The following CHAF1A variants were observed in gnomAD, a reference collection of about 807,000 sequenced individuals.
The protein encoded by CHAF1A is chromatin assembly factor 1 subunit A, also known as CAF-1 subunit A.
A neutral mutation model predicts 93.2 loss-of-function variants in CHAF1A; 5 were observed. That is an observed-to-expected ratio of 0.05 (90% CI 0.03 to 0.11). CHAF1A has a LOEUF of 0.11. CHAF1A is among the 10% of genes least tolerant of loss of function. CHAF1A has a pLI of 1.00. For missense variants in CHAF1A, 1,102 were observed against 1,259.9 expected (o/e 0.87, Z 1.90); for synonymous variants, 504 against 510.3 (o/e 0.99, Z 0.17).
chr19:4,432,541 G>A lies in CHAF1A; in HGVS notation c.2203+334G>A, dbSNP rs1294329279. On this transcript the variant is annotated intron_variant, in intron 12 of 14. Transcript: ENST00000301280. Reference sequence around the variant, plus strand: ...TTTGGGAGGCCAAGGTGGGAGGATCGCTTGAGCCTAGTGCTTCGACACCAG... The same window carrying A: ...TTTGGGAGGCCAAGGTGGGAGGATCACTTGAGCCTAGTGCTTCGACACCAG... Among the ~76,000 whole-genome samples, 12 of 151,996 alleles carry A rather than the reference G, an allele frequency of 7.9e-5. No homozygotes were observed. In the East Asian group the frequency reaches 2.1e-3, roughly 27 times the overall value.
At chr19:4,431,666 G>A (rs1313450821) in intron 11 of CHAF1A, among the ~76,000 whole-genome samples, 1 of 152,076 alleles carries the variant, frequency 6.6e-6, no homozygotes, top group African/African-American at 2.4e-5. Context: ...ACGGCTCCAC[G>A]ATCACACATT....
intron 4 of CHAF1A, among the ~76,000 whole-genome samples, chr19:4,419,826 G>A (rs1167660422): frequency 2.0e-5 from 3 of 152,316 alleles, no homozygotes; most frequent in South Asian, 2.1e-4. Context: ...GTTGGGGAGC[G>A]GAGAAAGTAT....
At chr19:4,403,436 T>G (rs1973623540) in intron 1 of CHAF1A, among the ~76,000 whole-genome samples, 1 of 152,220 alleles carries the variant, frequency 6.6e-6, no homozygotes. Flanking sequence ...GACCAGACTG[T>G]CCCTCTCCCT....
At chr19:4,420,683 C>T (rs1369173816) in intron 4 of CHAF1A, among the ~76,000 whole-genome samples, 1 of 152,176 alleles carries the variant, frequency 6.6e-6, no homozygotes, top group Non-Finnish European at 1.5e-5. Flanking sequence ...GGCTCGCCCC[C>T]ATAATCCCAC....
At position 4,402,665 on chromosome 19, in the gene CHAF1A, G is replaced by GGCAGCAGCT. The variant is rs1973602275; in HGVS notation, c.-90_-89insTGCAGCAGC. On this transcript the variant is annotated 5_prime_UTR_variant, in exon 1 of 15. Transcript: ENST00000301280. Reference sequence around the variant, plus strand: ...CAAATACGAGCGCGGCGGCCGCGGCGGCAGCAGCGGCGCGGGCGGGAGGGC... The same window carrying GGCAGCAGCT: ...CAAATACGAGCGCGGCGGCCGCGGCGGCAGCAGCTGCAGCAGCGGCGCGGGCGGGAGGGC... 1 of 794,678 alleles carries GGCAGCAGCT rather than the reference G, an allele frequency of 1.3e-6. No individual in the cohort carries two copies. Among genetic ancestry groups the GGCAGCAGCT allele is most frequent in the Non-Finnish European group, 1.7e-6 (1 of 605,572 alleles). 49.2% of individuals were successfully genotyped at this position (794,678 alleles called of 1,614,324 possible). A position where few individuals can be genotyped will look rare whatever the true frequency, so the allele number is the denominator to read the frequency against.
intron 8 of CHAF1A, 61 bp downstream of exon 8, chr19:4,428,951 C>T (rs755864927): frequency 1.5e-5 from 21 of 1,424,468 alleles, no homozygotes; most frequent in Non-Finnish European, 2.0e-5. Context: ...GCATCCTGAA[C>T]CCTGGGGTCC....
At position 4,428,829 on chromosome 19, in the gene CHAF1A, C is replaced by T. The variant is rs1254563332; in HGVS notation, c.1543C>T (p.Arg515Trp). 3 of 1,613,964 alleles carry T rather than the reference C, an allele frequency of 1.9e-6. No homozygotes were observed. Among genetic ancestry groups the T allele is most frequent in the South Asian group, 1.1e-5 (1 of 91,088 alleles). ...EFSFLKDLKG[R>W]QPLRSGPTHV... ...CTCCTTCTTGAAAGACCTCAAAGGCCGGCAGCCCCTGAGGTCCGGACCCAC... is the reference window on the plus strand; with the variant it reads ...CTCCTTCTTGAAAGACCTCAAAGGCTGGCAGCCCCTGAGGTCCGGACCCAC... The change falls in exon 8 of 15, where the codon CGG (arginine) becomes TGG (tryptophan). Residue 515 changes from arginine (R) to tryptophan (W), a missense_variant. Physicochemically the swap from Arg to Trp is moderately radical, Grantham distance 101. Transcript: ENST00000301280.
chr19:4,432,392 G>A (rs997880685), intron 12 of CHAF1A, among the ~76,000 whole-genome samples, 185 bp downstream of exon 12: 1 of 152,134 alleles, frequency 6.6e-6, no homozygotes, highest in Admixed American at 6.6e-5. Flanking sequence ...GACGAGGCAG[G>A]TCCCTTAATT....
intron 1 of CHAF1A, among the ~76,000 whole-genome samples, chr19:4,405,699 C>T (rs917432687): frequency 6.6e-6 from 1 of 151,772 alleles, no homozygotes; most frequent in African/African-American, 2.4e-5. Context: ...TAGCAGAATC[C>T]CTGGCCTCTA....
At chr19:4,448,349 G>T, downstream of CHAF1A, 1 of 1,610,010 alleles carries the variant, frequency 6.2e-7, no homozygotes, top group Non-Finnish European at 8.5e-7. Context: ...AGCTTCACCC[G>T]GTCCTGGTCT....
intron 2 of CHAF1A, among the ~76,000 whole-genome samples, chr19:4,407,043 G>A (rs1302751778): frequency 6.6e-6 from 1 of 152,004 alleles, no homozygotes; most frequent in African/African-American, 2.4e-5. Flanking sequence ...CCAACATGGT[G>A]AAACCCCGTC....
chr19:4,446,193 A>C, downstream of CHAF1A: 4 of 1,603,466 alleles, frequency 2.5e-6, 1 homozygote, highest in South Asian at 4.4e-5. Flanking sequence ...GAGCGTAGAA[A>C]GTGCCTGGGG....
At chr19:4,446,041 A>C, downstream of CHAF1A, 1 of 1,607,314 alleles carries the variant, frequency 6.2e-7, no homozygotes, top group Non-Finnish European at 8.5e-7. Context: ...CTGCGGGCCG[A>C]CACTCACCAG....
chr19:4,437,935 G>T (rs999765081), intron 13 of CHAF1A, among the ~76,000 whole-genome samples: 27 of 152,106 alleles, frequency 1.8e-4, no homozygotes, highest in Non-Finnish European at 3.5e-4. Flanking sequence ...TAGAGACGGG[G>T]TTTCACTGTG....
At chr19:4,413,179 C>T (rs1973838655) in intron 3 of CHAF1A, among the ~76,000 whole-genome samples, 1 of 152,150 alleles carries the variant, frequency 6.6e-6, no homozygotes. Context: ...TCAAGCAATT[C>T]TCCTGTCTCA....
Position 4,420,009 on chromosome 19 carries a change from C to T in CHAF1A, c.1017+1933C>T, listed in dbSNP as rs1252682722. Among the ~76,000 whole-genome samples the T allele has an allele frequency of 2.0e-5, 3 of 152,294 alleles. No individual in the cohort carries two copies. The South Asian group carries it at 6.2e-4, about 32-fold the overall frequency. On this transcript the variant is annotated intron_variant, in intron 4 of 14. Coordinates refer to ENST00000301280, the MANE Select transcript of CHAF1A (RefSeq NM_005483.3). ...ATATCAGATGCAGTCACACAGCACACTGGCAGGAAATGCACATCAGACATC... is the reference window on the plus strand; with the variant it reads ...ATATCAGATGCAGTCACACAGCACATTGGCAGGAAATGCACATCAGACATC...
At chr19:4,411,642 A>AACTTTTTTTTTTTTTT (rs1973800899) in intron 3 of CHAF1A, among the ~76,000 whole-genome samples, 2 of 38,066 alleles carry the variant, frequency 5.3e-5, no homozygotes, top group African/African-American at 1.9e-4. Flanking sequence ...AATGGTGCAA[A>AACTTTTTTTTTTTTTT]TCTTTTTTTT....
At chr19:4,407,417 A>G (rs573582428) in intron 2 of CHAF1A, among the ~76,000 whole-genome samples, 298 of 151,786 alleles carry the variant, frequency 2.0e-3, no homozygotes, top group Non-Finnish European at 1.7e-3. Context: ...GAACAGTTTG[A>G]TTGATGAGAA....
chr19:4,446,396 C>T (rs201517666), downstream of CHAF1A: 46 of 1,578,428 alleles, frequency 2.9e-5, no homozygotes, highest in Middle Eastern at 1.7e-4. Context: ...CACGCTCAGC[C>T]GCTCCACCGC....
Sources: gnomAD v4.1 joint callset for allele counts (sites outside exome capture counted in the v4.1 genomes callset) on GRCh38, gnomAD v4.1.1 for gene constraint, MANE v1.5 for transcripts, NCBI Gene and HGNC (gene_info 2026-07-23, HGNC 2026-07-21) for gene names.